Variants in TMEM132C observed in about 807,000 individuals in gnomAD.
TMEM132C encodes transmembrane protein 132C.
In TMEM132C, 29 loss-of-function variants were observed where a neutral mutation model predicts 61.4. The observed-to-expected ratio is 0.47, with a 90% CI of 0.35 to 0.64. TMEM132C has a LOEUF of 0.64. Among genes scored for constraint, TMEM132C ranks in the 30% least tolerant of loss-of-function variants. The pLI is 0.00. For synonymous variants in TMEM132C, 656 were observed against 633.1 expected, an observed-to-expected ratio of 1.04 and a Z score of -0.54; for missense variants, 1,408 against 1,476.9, an observed-to-expected ratio of 0.95 and a Z score of 0.76.
At chr12:128,279,662 G>C (rs902854439) in intron 1 of TMEM132C, among the ~76,000 whole-genome samples, 1 of 152,206 alleles carries the variant, frequency 6.6e-6, no homozygotes, top group Non-Finnish European at 1.5e-5. Context: ...GTAACTTCTA[G>C]ATACCCTCAT....
chr12:128,306,409 A>C (rs1166102052), intron 1 of TMEM132C, among the ~76,000 whole-genome samples: 1 of 151,970 alleles, frequency 6.6e-6, no homozygotes, highest in Non-Finnish European at 1.5e-5. Flanking sequence ...TCATCGTGTT[A>C]GCCAGGATGG....
At chr12:128,400,602 T>G (rs1305638739) in intron 1 of TMEM132C, among the ~76,000 whole-genome samples, 1 of 62,386 alleles carries the variant, frequency 1.6e-5, no homozygotes, top group African/African-American at 3.8e-5. Flanking sequence ...TTCTTTTGTT[T>G]TTTTTTTTTT....
chr12:128,573,628 T>TA (rs147978624), intron 3 of TMEM132C, among the ~76,000 whole-genome samples: 4,067 of 146,602 alleles, frequency 0.028, 143 homozygotes, highest in African/African-American at 0.083. Context: ...TAAAAAAGAT[T>TA]AAAAAAAAAA....
intron 1 of TMEM132C, among the ~76,000 whole-genome samples, chr12:128,299,869 T>C (rs1043016895): frequency 1.8e-4 from 28 of 152,166 alleles, no homozygotes; most frequent in Non-Finnish European, 5.9e-5. Context: ...CTCTAAGATG[T>C]TAGCACTGAG....
At chr12:128,644,166 G>A (rs1222476478) in intron 4 of TMEM132C, among the ~76,000 whole-genome samples, 4 of 152,196 alleles carry the variant, frequency 2.6e-5, no homozygotes, top group Middle Eastern at 3.2e-3. Flanking sequence ...GCAGTAGGGT[G>A]ACAAAGAGTT....
At chr12:128,306,005 G>A (rs113706866) in intron 1 of TMEM132C, among the ~76,000 whole-genome samples, 179 of 152,224 alleles carry the variant, frequency 1.2e-3, no homozygotes, top group African/African-American at 4.2e-3. Flanking sequence ...CTCTGATTGT[G>A]TGCAGTTAAT....
chr12:128,563,288 C>T (rs909666553), intron 3 of TMEM132C, among the ~76,000 whole-genome samples: 3 of 152,212 alleles, frequency 2.0e-5, no homozygotes, highest in Non-Finnish European at 2.9e-5. Context: ...AGAGGAACTT[C>T]TGGGAGTCAG....
chr12:128,310,494 TG>T (rs910069680), intron 1 of TMEM132C, among the ~76,000 whole-genome samples: 1 of 151,520 alleles, frequency 6.6e-6, no homozygotes, highest in Admixed American at 6.6e-5. Context: ...GAGAGTTGGG[TG>T]GGGGGGTTTG....
At chr12:128,466,965 C>T (rs975124521) in intron 2 of TMEM132C, among the ~76,000 whole-genome samples, 5 of 152,074 alleles carry the variant, frequency 3.3e-5, no homozygotes, top group Non-Finnish European at 7.4e-5. Flanking sequence ...AAGACTTTGC[C>T]GAGCTTTTGA....
chr12:128,530,505 A>G (rs574029283), intron 2 of TMEM132C, among the ~76,000 whole-genome samples: 15 of 151,524 alleles, frequency 9.9e-5, no homozygotes, highest in East Asian at 3.9e-4. Flanking sequence ...GTGCAGTGGC[A>G]CAATCTCGGC....
At chr12:128,552,779 G>A (rs375376737) in intron 3 of TMEM132C, among the ~76,000 whole-genome samples, 11 of 152,038 alleles carry the variant, frequency 7.2e-5, no homozygotes, top group African/African-American at 1.4e-4. Context: ...ATGGTGGTGC[G>A]TGCCTGTAAT....
chr12:128,694,358 A>G (rs983197084), intron 6 of TMEM132C, among the ~76,000 whole-genome samples: 1 of 152,246 alleles, frequency 6.6e-6, no homozygotes. Flanking sequence ...TCTCCAAAAA[A>G]AAGTCAGTCC....
intron 2 of TMEM132C, among the ~76,000 whole-genome samples, chr12:128,454,026 G>C (rs1870265444): frequency 6.6e-6 from 1 of 152,116 alleles, no homozygotes; most frequent in Non-Finnish European, 1.5e-5. Flanking sequence ...CTAGCGAAGG[G>C]GGCCCTTTTG....
intron 1 of TMEM132C, among the ~76,000 whole-genome samples, chr12:128,365,749 C>T (rs956858026): frequency 6.6e-6 from 1 of 152,078 alleles, no homozygotes; most frequent in Non-Finnish European, 1.5e-5. Context: ...AGTTGTGCTC[C>T]GAATAGTGTC....
intron 1 of TMEM132C, among the ~76,000 whole-genome samples, chr12:128,341,314 G>A (rs1872972162): frequency 6.6e-6 from 1 of 152,114 alleles, no homozygotes; most frequent in African/African-American, 2.4e-5. Context: ...GAATACATTT[G>A]TTATTTTTAC....
intron 2 of TMEM132C, among the ~76,000 whole-genome samples, chr12:128,503,558 A>G (rs1036784473): frequency 6.6e-6 from 1 of 152,228 alleles, no homozygotes; most frequent in Non-Finnish European, 1.5e-5. Flanking sequence ...TCCTATTGGC[A>G]TAATCTTCTT....
At chr12:128,569,219 C>G (rs556835366) in intron 3 of TMEM132C, among the ~76,000 whole-genome samples, 1 of 152,308 alleles carries the variant, frequency 6.6e-6, no homozygotes, top group East Asian at 1.9e-4. Context: ...AATTGGGAGT[C>G]TCCACAGTGT....
At chr12:128,452,411 A>G (rs1336110217) in intron 2 of TMEM132C, among the ~76,000 whole-genome samples, 3 of 147,136 alleles carry the variant, frequency 2.0e-5, no homozygotes, top group Non-Finnish European at 4.5e-5. Flanking sequence ...CAATTTTCAC[A>G]AGTGTGTTAA....
chr12:128,429,509 C>G (rs1013392898), intron 2 of TMEM132C, among the ~76,000 whole-genome samples: 1 of 152,168 alleles, frequency 6.6e-6, no homozygotes, highest in African/African-American at 2.4e-5. Flanking sequence ...TGCTGGGAAC[C>G]TGGCAGCCTT....
Sources: gnomAD v4.1 joint callset for allele counts (sites outside exome capture counted in the v4.1 genomes callset) on GRCh38, gnomAD v4.1.1 for gene constraint, MANE v1.5 for transcripts, NCBI Gene and HGNC (gene_info 2026-07-23, HGNC 2026-07-21) for gene names.